Variants in RAD51B observed in about 807,000 individuals in gnomAD.
RAD51B encodes DNA repair protein RAD51 homolog 2.
A neutral mutation model predicts 42.2 loss-of-function variants in RAD51B; 38 were observed. That is an observed-to-expected ratio of 0.90 (90% CI 0.70 to 1.18). RAD51B has a LOEUF of 1.18. RAD51B is among the 50% of genes most tolerant of loss of function. RAD51B has a pLI of 0.00. For missense variants in RAD51B, 373 were observed against 400.7 expected, an observed-to-expected ratio of 0.93 and a Z score of 0.59; for synonymous variants, 154 against 145.2, an observed-to-expected ratio of 1.06 and a Z score of -0.43.
intron 7 of RAD51B, among the ~76,000 whole-genome samples, chr14:67,936,777 G>A (rs185689980): frequency 3.9e-4 from 60 of 152,250 alleles, no homozygotes; most frequent in Admixed American, 3.5e-3. Context: ...AATCCTTGTA[G>A]TGCTTGTGAA....
At chr14:68,287,944 C>T (rs1447596994) in intron 7 of RAD51B, among the ~76,000 whole-genome samples, 6 of 152,094 alleles carry the variant, frequency 3.9e-5, no homozygotes, top group Non-Finnish European at 8.8e-5. Context: ...TGTCACACAG[C>T]GAGTAAATGG....
intron 7 of RAD51B, among the ~76,000 whole-genome samples, chr14:68,021,092 G>A (rs1017985867): frequency 6.6e-6 from 1 of 152,196 alleles, no homozygotes; most frequent in African/African-American, 2.4e-5. Flanking sequence ...CACTGTGTCT[G>A]CCTTGTTCAA....
chr14:68,622,620 T>C (rs886338709), intron 10 of RAD51B, among the ~76,000 whole-genome samples: 3 of 150,000 alleles, frequency 2.0e-5, no homozygotes, highest in Non-Finnish European at 2.9e-5. Context: ...AGTTGTTTCA[T>C]GAATGAATGA....
chr14:68,372,612 G>A (rs780381680), intron 8 of RAD51B, among the ~76,000 whole-genome samples: 1 of 152,102 alleles, frequency 6.6e-6, no homozygotes, highest in Non-Finnish European at 1.5e-5. Context: ...GATTCCTGGA[G>A]AGAAACAGAA....
intron 10 of RAD51B, among the ~76,000 whole-genome samples, chr14:68,566,662 C>T (rs1889436247): frequency 1.3e-5 from 2 of 152,206 alleles, no homozygotes; most frequent in African/African-American, 4.8e-5. Context: ...AGAAACCCCC[C>T]CGGTGCCTCA....
At chr14:68,492,512 A>G (rs2842315) in intron 10 of RAD51B, among the ~76,000 whole-genome samples, 51,009 of 152,140 alleles carry the variant, frequency 0.34, 9,884 homozygotes, top group South Asian at 0.57. Context: ...GGGATTTGTG[A>G]GCTCAAAATC....
chr14:68,392,906 C>T (rs2083799910), intron 8 of RAD51B, among the ~76,000 whole-genome samples: 1 of 152,192 alleles, frequency 6.6e-6, no homozygotes, highest in Non-Finnish European at 1.5e-5. Context: ...AGCAGAACAG[C>T]TTTACAAGCT....
chr14:68,526,306 CACAT>C (rs1310130136), intron 10 of RAD51B, among the ~76,000 whole-genome samples: 1 of 152,136 alleles, frequency 6.6e-6, no homozygotes, highest in Non-Finnish European at 1.5e-5. Flanking sequence ...AACAACTGAC[CACAT>C]ACAGGACTAT....
At chr14:68,225,309 C>T (rs1243398178) in intron 7 of RAD51B, among the ~76,000 whole-genome samples, 1 of 152,142 alleles carries the variant, frequency 6.6e-6, no homozygotes, top group African/African-American at 2.4e-5. Context: ...TACTTTCTTA[C>T]TTATGTCTTA....
rs867975397 is a variant in RAD51B at position 68,580,271 on chromosome 14, C to A, written c.1037-14214C>A. On this transcript the variant is annotated intron_variant, in intron 10 of 10. Transcript: ENST00000487270. ...GGCCTGCCACTCTGCCCCACCTCTT[C>A]GCCTCCTGCTTGCCCTGCGGCCAGC... is the stretch of plus-strand genomic sequence containing the variant. Among the ~76,000 whole-genome samples, 14 of 152,328 alleles carry A rather than the reference C, an allele frequency of 9.2e-5. 1 individual carries two copies. The highest frequency in any genetic ancestry group is 3.4e-3 in the Middle Eastern group (1 of 294).
intron 8 of RAD51B, among the ~76,000 whole-genome samples, chr14:68,301,144 T>C (rs1399265389): frequency 1.3e-5 from 2 of 152,210 alleles, no homozygotes; most frequent in Non-Finnish European, 2.9e-5. Flanking sequence ...TTAACCATAC[T>C]TCCATCTAAT....
chr14:68,150,080 G>A (rs1330765487), intron 7 of RAD51B, among the ~76,000 whole-genome samples: 2 of 152,094 alleles, frequency 1.3e-5, no homozygotes, highest in Admixed American at 6.5e-5. Flanking sequence ...AAGTAGTTGG[G>A]ATTACAGGTA....
chr14:67,948,931 CAAAAAAAA>C (rs59465805), intron 7 of RAD51B, among the ~76,000 whole-genome samples: 12 of 17,060 alleles, frequency 7.0e-4, no homozygotes, highest in Admixed American at 1.5e-3. Flanking sequence ...GACTCTGTCT[CAAAAAAAA>C]AAAAAAAAAA....
chr14:67,893,422 C>G (rs2043280269), intron 7 of RAD51B, among the ~76,000 whole-genome samples: 1 of 150,342 alleles, frequency 6.7e-6, no homozygotes. Context: ...AGAGACCAGA[C>G]TGTGCAACAT....
At chr14:68,673,901 CAT>C (rs1326841078) in intron 11 of RAD51B, among the ~76,000 whole-genome samples, 1 of 150,420 alleles carries the variant, frequency 6.6e-6, no homozygotes, top group East Asian at 1.9e-4. Flanking sequence ...CATGCACACA[CAT>C]ACTGTACACA....
chr14:68,054,456 A>G (rs1377861202), intron 7 of RAD51B, among the ~76,000 whole-genome samples: 1 of 152,250 alleles, frequency 6.6e-6, no homozygotes, highest in Non-Finnish European at 1.5e-5. Context: ...CTATGAATTC[A>G]TATTGATAAC....
intron 11 of RAD51B, among the ~76,000 whole-genome samples, chr14:68,652,825 T>C (rs1161762064): frequency 2.6e-5 from 4 of 152,248 alleles, no homozygotes; most frequent in Non-Finnish European, 5.9e-5. Flanking sequence ...ATATCCCCTG[T>C]AGGAAGTAGG....
chr14:68,139,239 T>G (rs1306399942), intron 7 of RAD51B, among the ~76,000 whole-genome samples: 1 of 151,728 alleles, frequency 6.6e-6, no homozygotes. Context: ...TACTAAAATT[T>G]CAAAACATCT....
At chr14:68,184,925 C>T (rs1459926287) in intron 7 of RAD51B, among the ~76,000 whole-genome samples, 1 of 152,120 alleles carries the variant, frequency 6.6e-6, no homozygotes, top group Admixed American at 6.5e-5. Context: ...ACTCTCATTA[C>T]ACATGTGAAA....
Sources: gnomAD v4.1 joint callset for allele counts (sites outside exome capture counted in the v4.1 genomes callset) on GRCh38, gnomAD v4.1.1 for gene constraint, MANE v1.5 for transcripts, NCBI Gene and HGNC (gene_info 2026-07-23, HGNC 2026-07-21) for gene names.